The following MICAL2 variants were observed in gnomAD, a reference collection of about 807,000 sequenced individuals.
MICAL2 encodes the protein microtubule associated monooxygenase, calponin and LIM domain containing 2.
A neutral mutation model predicts 127.3 loss-of-function variants in MICAL2; 77 were observed. That is an observed-to-expected ratio of 0.60 (90% CI 0.50 to 0.73). The LOEUF (loss-of-function observed/expected upper bound fraction) is 0.73, where lower values mean the gene tolerates loss of function less well. MICAL2 is among the 30% of genes least tolerant of loss of function. The pLI, the probability that MICAL2 is intolerant of heterozygous loss-of-function variation, is 0.00. For missense variants in MICAL2, 1,351 were observed against 1,434.4 expected (o/e 0.94, Z 0.94); for synonymous variants, 570 against 551.1 (o/e 1.03, Z -0.48).
At chr11:12,209,804 G>A (rs182892873) in intron 6 of MICAL2, among the ~76,000 whole-genome samples, 9 of 152,206 alleles carry the variant, frequency 5.9e-5, no homozygotes, top group Non-Finnish European at 8.8e-5. Flanking sequence ...ATCTCATTCC[G>A]TCTGAACCTC....
At chr11:12,225,865 A>C in intron 13 of MICAL2, 1 of 355,176 alleles carries the variant, frequency 2.8e-6, no homozygotes, top group South Asian at 3.9e-5. Context: ...AAAGAAAAAA[A>C]GTAAGGGATA....
At chr11:12,147,807 TG>T (rs1853106273) in intron 2 of MICAL2, among the ~76,000 whole-genome samples, 1 of 152,208 alleles carries the variant, frequency 6.6e-6, no homozygotes, top group Non-Finnish European at 1.5e-5. Flanking sequence ...GTCCCAAAGT[TG>T]GCTGATCAAC....
chr11:12,185,902 C>T (rs569106012), intron 3 of MICAL2, among the ~76,000 whole-genome samples: 11 of 152,296 alleles, frequency 7.2e-5, no homozygotes, highest in African/African-American at 2.6e-4. Context: ...AAAATACTGC[C>T]GAGGCTTTGA....
chr11:12,311,657 C>T (rs900522918), intron 29 of MICAL2, among the ~76,000 whole-genome samples: 3 of 152,232 alleles, frequency 2.0e-5, no homozygotes, highest in Non-Finnish European at 4.4e-5. Context: ...CCACCTGCCT[C>T]GGCCTCCCAA....
At chr11:12,176,473 T>G (rs563573159) in intron 3 of MICAL2, among the ~76,000 whole-genome samples, 1 of 152,350 alleles carries the variant, frequency 6.6e-6, no homozygotes, top group Admixed American at 6.5e-5. Context: ...CCCCTTGCCT[T>G]TTGTGACACA....
At chr11:12,292,993 G>A (rs955476644), downstream of MICAL2, among the ~76,000 whole-genome samples, 3 of 152,150 alleles carry the variant, frequency 2.0e-5, no homozygotes, top group Non-Finnish European at 2.9e-5. Flanking sequence ...CAATGTGGGA[G>A]GTTAAAAAGG....
At chr11:12,192,315 GACTC>G (rs1174121244) in intron 3 of MICAL2, among the ~76,000 whole-genome samples, 2 of 152,158 alleles carry the variant, frequency 1.3e-5, no homozygotes, top group Non-Finnish European at 2.9e-5. Flanking sequence ...CTCCAGGTGG[GACTC>G]ACTCACCACC....
intron 32 of MICAL2, among the ~76,000 whole-genome samples, chr11:12,345,586 G>A (rs534676026): frequency 4.6e-5 from 7 of 152,156 alleles, no homozygotes; most frequent in Admixed American, 3.9e-4. Context: ...TCTCCATAAC[G>A]TGCCAAATAA....
chr11:12,133,789 C>T (rs1009107211), intron 1 of MICAL2, among the ~76,000 whole-genome samples: 21 of 152,280 alleles, frequency 1.4e-4, no homozygotes, highest in Non-Finnish European at 2.5e-4. Context: ...TAACTAAGGT[C>T]TTGAAAAGGA....
Position 12,243,969 on chromosome 11 carries a change from T to C in MICAL2, c.2659-18T>C. On this transcript the variant is annotated intron_variant, in intron 20 of 27. Coordinates refer to ENST00000683283, the MANE Select transcript of MICAL2 (RefSeq NM_001282663.2). ...CTCCTGGGATAATCCTTGTTTCTTCTATTTCTGTTCTGTGCAGAATAAACT... is the reference window on the plus strand; with the variant it reads ...CTCCTGGGATAATCCTTGTTTCTTCCATTTCTGTTCTGTGCAGAATAAACT... 1.9e-6 allele frequency: 3 copies of C among 1,613,030 alleles called. No individual in the cohort carries two copies. The highest frequency in any genetic ancestry group is 2.5e-6 in the Non-Finnish European group (3 of 1,178,996).
rs140677623 is a variant in MICAL2 at position 12,192,594 on chromosome 11, A to T, written c.265-11656A>T. On this transcript the variant is annotated intron_variant, in intron 3 of 27. Transcript: ENST00000683283. ...GGAGTTCGAGACCAGCCTGGCCAAC[A>T]TGGTGAAACCCCGTCTCTATTAAAA... 2.4e-3 allele frequency among the ~76,000 whole-genome samples: 359 copies of T among 152,290 alleles called. 3 individuals carry two copies. Among genetic ancestry groups the T allele is most frequent in the African/African-American group, 8.3e-3 (343 of 41,556 alleles).
rs182718367 is a variant in MICAL2, at chr11:12,350,541, T to G, written c.5615+604T>G. ...CATAAGTTGTGCTGGGTGCTTCCATTTATGCTGTCTCGTTTCATTTTTGCC... is the reference window on the plus strand; with the variant it reads ...CATAAGTTGTGCTGGGTGCTTCCATGTATGCTGTCTCGTTTCATTTTTGCC... On this transcript the variant is annotated intron_variant, in intron 33 of 34. Transcript: ENST00000646065. Among the ~76,000 whole-genome samples the G allele has an allele frequency of 9.8e-4, 149 of 152,298 alleles. No homozygotes were observed. In the Middle Eastern group the frequency reaches 0.01, roughly 10 times the overall value.
downstream of MICAL2, among the ~76,000 whole-genome samples, chr11:12,296,875 G>A (rs1488251361): frequency 6.6e-6 from 1 of 151,972 alleles, no homozygotes; most frequent in Non-Finnish European, 1.5e-5. Context: ...AGTACGTAAA[G>A]CACTTTCTTC....
At chr11:12,342,529 T>A (rs746058505) in intron 32 of MICAL2, among the ~76,000 whole-genome samples, 26 of 152,172 alleles carry the variant, frequency 1.7e-4, no homozygotes, top group Non-Finnish European at 2.5e-4. Flanking sequence ...CAGAAAATAA[T>A]CCATATTGAA....
At chr11:12,310,584 T>C (rs759342434) in intron 29 of MICAL2, among the ~76,000 whole-genome samples, 2 of 152,204 alleles carry the variant, frequency 1.3e-5, no homozygotes, top group South Asian at 2.1e-4. Flanking sequence ...AGCTTTGTAA[T>C]ATAATTTGAA....
chr11:12,153,079 G>A (rs1853777790), intron 2 of MICAL2: 1 of 151,970 alleles, frequency 6.6e-6, no homozygotes, highest in Non-Finnish European at 1.5e-5. Context: ...CACCCAGGCT[G>A]GAGTGCAGTG....
chr11:12,208,198 C>T lies in MICAL2; in HGVS notation c.589+59C>T, dbSNP rs185809820. The T allele has an allele frequency of 1.7e-5, 22 of 1,329,400 alleles. No homozygotes were observed. In the Admixed American group the frequency reaches 3.7e-4, roughly 23 times the overall value. The allele number at this position is 1,329,400 out of a possible 1,614,324, so 82.4% of individuals were successfully genotyped here. Reference sequence around the variant, plus strand: ...CAGATACTACAAAATAGAAATTCCACTTGCTGCTTCCAAAGGGTGTTTCTG... The same window carrying T: ...CAGATACTACAAAATAGAAATTCCATTTGCTGCTTCCAAAGGGTGTTTCTG... On this transcript the variant is annotated intron_variant, in intron 5 of 27. Transcript: ENST00000683283.
intron 2 of MICAL2, among the ~76,000 whole-genome samples, chr11:12,145,772 A>C (rs11022199): frequency 6.6e-6 from 1 of 152,022 alleles, no homozygotes; most frequent in Non-Finnish European, 1.5e-5. Flanking sequence ...ATAGGCTCTT[A>C]TGCAGACTCT....
intron 34 of MICAL2, among the ~76,000 whole-genome samples, chr11:12,355,354 A>G (rs566601854): frequency 1.2e-3 from 183 of 152,300 alleles, no homozygotes; most frequent in Non-Finnish European, 2.3e-3. Flanking sequence ...CAGCGTGGGC[A>G]GGGCCAGGGC....
Sources: gnomAD v4.1 joint callset for allele counts (sites outside exome capture counted in the v4.1 genomes callset) on GRCh38, gnomAD v4.1.1 for gene constraint, MANE v1.5 for transcripts, NCBI Gene and HGNC (gene_info 2026-07-23, HGNC 2026-07-21) for gene names.